The following SHANK2 variants were observed in gnomAD, a reference collection of about 807,000 sequenced individuals.
SHANK2 encodes SH3 and multiple ankyrin repeat domains 2.
In SHANK2, 43 loss-of-function variants were observed where a neutral mutation model predicts 133.7. The observed-to-expected ratio is 0.32, with a 90% CI of 0.25 to 0.41. SHANK2 has a LOEUF of 0.41. Ranked by LOEUF, SHANK2 falls within the 10% of genes least tolerant of loss-of-function variation. SHANK2 has a pLI of 1.00. For missense variants in SHANK2, 1,994 were observed against 2,235.8 expected (o/e 0.89, Z 2.18); for synonymous variants, 1,017 against 952.8 (o/e 1.07, Z -1.24).
At chr11:70,925,263 C>T (rs926605384) in intron 10 of SHANK2, among the ~76,000 whole-genome samples, 1 of 152,112 alleles carries the variant, frequency 6.6e-6, no homozygotes, top group Non-Finnish European at 1.5e-5. Context: ...AATATTTCAA[C>T]GATACCCTGC....
intron 10 of SHANK2, among the ~76,000 whole-genome samples, chr11:70,925,815 C>T (rs1232654409): frequency 6.6e-6 from 1 of 152,090 alleles, no homozygotes; most frequent in Non-Finnish European, 1.5e-5. Flanking sequence ...TATAAACCTG[C>T]CACAAATACA....
At chr11:70,785,820 A>G (rs1211002592) in intron 14 of SHANK2, among the ~76,000 whole-genome samples, 7 of 152,190 alleles carry the variant, frequency 4.6e-5, no homozygotes, top group African/African-American at 1.7e-4. Flanking sequence ...CAGGCTGCCC[A>G]AACAAAAGCC....
intron 17 of SHANK2, among the ~76,000 whole-genome samples, chr11:70,592,772 T>C (rs1167315989): frequency 2.6e-5 from 4 of 152,142 alleles, no homozygotes; most frequent in African/African-American, 9.7e-5. Flanking sequence ...CCAAGGCAGC[T>C]GCGGATTCCC....
At chr11:70,566,976 C>A (rs2059976054) in intron 17 of SHANK2, among the ~76,000 whole-genome samples, 1 of 152,188 alleles carries the variant, frequency 6.6e-6, no homozygotes, top group Admixed American at 6.5e-5. Flanking sequence ...AGAAACCATA[C>A]CCGGCTTTGA....
At position 71,116,405 on chromosome 11, in the gene SHANK2, T is replaced by C. The variant is rs115978760; in HGVS notation, c.411+2424A>G. Among the ~76,000 whole-genome samples the C allele has an allele frequency of 9.4e-3, 1,427 of 152,322 alleles. 24 individuals are homozygous for C. The highest frequency in any genetic ancestry group is 0.033 in the African/African-American group (1,363 of 41,568). On this transcript the variant is annotated intron_variant, in intron 4 of 25. Transcript: ENST00000601538. ...ACTGCAGGAAACAATGCCTGTAAAC[T>C]TGGGGCGTAGCAAGCCTGGGTGAGA... is the stretch of plus-strand genomic sequence containing the variant.
At chr11:70,793,653 C>G (rs775166510) in intron 14 of SHANK2, among the ~76,000 whole-genome samples, 4 of 152,132 alleles carry the variant, frequency 2.6e-5, no homozygotes, top group Non-Finnish European at 4.4e-5. Flanking sequence ...TCTATTAGAA[C>G]AGCTGAAGTT....
intron 11 of SHANK2, among the ~76,000 whole-genome samples, chr11:70,862,318 G>A (rs565695122): frequency 1.3e-5 from 2 of 152,332 alleles, no homozygotes; most frequent in East Asian, 1.9e-4. Flanking sequence ...ATCCCTCTTC[G>A]AGCTCCTGGG....
intron 1 of SHANK2, among the ~76,000 whole-genome samples, chr11:71,236,063 G>A (rs986870453): frequency 2.0e-5 from 3 of 152,050 alleles, no homozygotes; most frequent in Non-Finnish European, 2.9e-5. Flanking sequence ...AGCCTCCTCC[G>A]CCCCCTCCAT....
intron 11 of SHANK2, among the ~76,000 whole-genome samples, chr11:70,883,444 G>A (rs1949688492): frequency 6.6e-6 from 1 of 152,154 alleles, no homozygotes; most frequent in African/African-American, 2.4e-5. Flanking sequence ...CTCAGCTATG[G>A]CACAAAGTCC....
intron 8 of SHANK2, among the ~76,000 whole-genome samples, chr11:71,078,412 C>T (rs913877165): frequency 3.9e-5 from 6 of 152,162 alleles, no homozygotes; most frequent in Admixed American, 2.0e-4. Flanking sequence ...AAAAAATCTC[C>T]ATTTAGCAAC....
intron 2 of SHANK2, among the ~76,000 whole-genome samples, chr11:71,169,602 T>A (rs1325926183): frequency 6.6e-6 from 1 of 151,928 alleles, no homozygotes; most frequent in South Asian, 2.1e-4. Context: ...AATATAAAAA[T>A]TAGCCAGGTG....
intron 17 of SHANK2, among the ~76,000 whole-genome samples, chr11:70,566,988 G>C (rs117761868): frequency 0.036 from 5,478 of 152,284 alleles, 130 homozygotes; most frequent in Non-Finnish European, 0.052. Flanking sequence ...CGGCTTTGAT[G>C]GTTCCCTCCG....
chr11:70,523,269 T>G (rs2059353637), intron 17 of SHANK2, among the ~76,000 whole-genome samples: 1 of 152,198 alleles, frequency 6.6e-6, no homozygotes. Flanking sequence ...CAAATACAGA[T>G]TCCCAGCCCT....
At chr11:71,126,438 TG>T (rs1213399135) in intron 3 of SHANK2, among the ~76,000 whole-genome samples, 3 of 152,136 alleles carry the variant, frequency 2.0e-5, no homozygotes, top group Admixed American at 2.0e-4. Context: ...CTGATGGAGA[TG>T]TACAAGGAGA....
chr11:70,884,770 G>A lies in SHANK2; in HGVS notation c.1174+11731C>T, dbSNP rs180806770. ...AGTCTCGTTCTTGTTGCCCAGGCTG[G>A]AGTGCAATGGCGCGATTTCGGCTCA... is the stretch of plus-strand genomic sequence containing the variant. On this transcript the variant is annotated intron_variant, in intron 11 of 25. Coordinates refer to ENST00000601538, the MANE Select transcript of SHANK2 (RefSeq NM_012309.5). Among the ~76,000 whole-genome samples, 6 of 152,270 alleles carry A rather than the reference G, an allele frequency of 3.9e-5. No homozygotes were observed. The East Asian group carries it at 1.2e-3, about 29-fold the overall frequency.
At chr11:71,202,597 T>A (rs972122618) in intron 2 of SHANK2, among the ~76,000 whole-genome samples, 5 of 151,390 alleles carry the variant, frequency 3.3e-5, no homozygotes, top group African/African-American at 1.2e-4. Context: ...TCAAAAGGGG[T>A]CGATGTTGGC....
intron 17 of SHANK2, among the ~76,000 whole-genome samples, chr11:70,609,221 G>A (rs2060621933): frequency 6.6e-6 from 1 of 152,256 alleles, no homozygotes; most frequent in Admixed American, 6.5e-5. Flanking sequence ...CCCAACAGAG[G>A]AATCAGACAC....
intron 1 of SHANK2, among the ~76,000 whole-genome samples, chr11:71,245,136 A>G (rs1954943893): frequency 2.0e-5 from 3 of 151,592 alleles, no homozygotes; most frequent in Admixed American, 2.0e-4. Flanking sequence ...GCGTGCCACT[A>G]CACCTGGCTA....
chr11:71,192,397 G>A (rs1953811428), intron 2 of SHANK2, among the ~76,000 whole-genome samples: 1 of 152,148 alleles, frequency 6.6e-6, no homozygotes, highest in Non-Finnish European at 1.5e-5. Flanking sequence ...ATGACTATGA[G>A]AGCCCATTGA....
Sources: gnomAD v4.1 joint callset for allele counts (sites outside exome capture counted in the v4.1 genomes callset) on GRCh38, gnomAD v4.1.1 for gene constraint, MANE v1.5 for transcripts, NCBI Gene and HGNC (gene_info 2026-07-23, HGNC 2026-07-21) for gene names.